ABCC4: variants seen among roughly 807,000 people sequenced by gnomAD.
ABCC4 encodes the protein ATP binding cassette subfamily C member 4 (PEL blood group).
Under a neutral mutation model 168.5 loss-of-function variants are expected in ABCC4, and 102 were observed. The observed-to-expected ratio is 0.61, with a 90% confidence interval of 0.52 to 0.71. The LOEUF is 0.71. ABCC4 is among the 30% of genes least tolerant of loss of function. ABCC4 has a pLI of 0.00. For synonymous variants in ABCC4, 617 were observed against 590.7 expected (o/e 1.04, Z -0.65); for missense variants, 1,402 against 1,605.8 (o/e 0.87, Z 2.17).
intron 1 of ABCC4, among the ~76,000 whole-genome samples, chr13:95,269,705 T>C (rs749148950): frequency 1.2e-4 from 18 of 152,140 alleles, no homozygotes; most frequent in Admixed American, 2.6e-4. Flanking sequence ...GGTTAAAAAA[T>C]GTAGTGAGAA....
intron 1 of ABCC4, among the ~76,000 whole-genome samples, chr13:95,262,241 A>G (rs2040551128): frequency 6.6e-6 from 1 of 152,228 alleles, no homozygotes; most frequent in Admixed American, 6.5e-5. Context: ...AAGAGGACTG[A>G]GCAAAGAAGT....
chr13:95,155,494 T>A (rs987784340), intron 19 of ABCC4, among the ~76,000 whole-genome samples: 6 of 152,146 alleles, frequency 3.9e-5, no homozygotes, highest in African/African-American at 1.4e-4. Flanking sequence ...AAAAGAAACA[T>A]GGGAAGAAGT....
At chr13:95,197,631 A>C (rs533207727) in intron 8 of ABCC4, among the ~76,000 whole-genome samples, 1 of 152,206 alleles carries the variant, frequency 6.6e-6, no homozygotes, top group Non-Finnish European at 1.5e-5. Context: ...GCATCCCCAG[A>C]AAGTTCACTT....
Position 95,115,964 on chromosome 13 carries a change from G to A in ABCC4, c.2493C>T (p.His831=), listed in dbSNP as rs773677219. ...ACGTCAGCGGCAGCAAATCATCCAAGTGTCCAATGTCTTTGGAGAAACGAT... is the reference window on the plus strand; with the variant it reads ...ACGTCAGCGGCAGCAAATCATCCAAATGTCCAATGTCTTTGGAGAAACGAT... ...ILNRFSKDIG[H]LDDLLPLTFL... The change falls in exon 20 of 31, where the codon CAC becomes CAT. Residue 831 remains histidine (H), a synonymous_variant. Transcript: ENST00000645237. 1.9e-6 allele frequency: 3 copies of A among 1,613,418 alleles called. No individual in the cohort carries two copies. Among genetic ancestry groups the A allele is most frequent in the Non-Finnish European group, 2.5e-6 (3 of 1,179,852 alleles).
intron 19 of ABCC4, among the ~76,000 whole-genome samples, chr13:95,159,047 C>A (rs2036977785): frequency 6.9e-6 from 1 of 144,248 alleles, no homozygotes; most frequent in Non-Finnish European, 1.5e-5. Context: ...CACATCACTG[C>A]ACTCCAGTCT....
chr13:95,075,783 A>C (rs1416334827), intron 21 of ABCC4: 3 of 427,074 alleles, frequency 7.0e-6, no homozygotes, highest in Non-Finnish European at 1.2e-5. Flanking sequence ...TAAACGTCCT[A>C]TTTTTGACCA....
intron 30 of ABCC4, among the ~76,000 whole-genome samples, chr13:95,025,562 A>C (rs980619226): frequency 1.4e-5 from 2 of 146,658 alleles, no homozygotes; most frequent in Non-Finnish European, 3.0e-5. Context: ...CATTAAGCAC[A>C]GAAAATTCCC....
intron 19 of ABCC4, among the ~76,000 whole-genome samples, chr13:95,143,330 T>A (rs1264202741): frequency 6.6e-6 from 1 of 152,190 alleles, no homozygotes; most frequent in African/African-American, 2.4e-5. Flanking sequence ...TATTCTGTCA[T>A]TCAAAGTCTA....
intron 1 of ABCC4, among the ~76,000 whole-genome samples, chr13:95,268,899 C>T (rs908782248): frequency 6.6e-6 from 1 of 152,132 alleles, no homozygotes; most frequent in Non-Finnish European, 1.5e-5. Context: ...CCTGGGCCCA[C>T]TTTTCTTTCT....
At chr13:95,164,611 C>T in intron 15 of ABCC4, 93 bp from the exon 16 acceptor site, 1 of 1,388,226 alleles carries the variant, frequency 7.2e-7, no homozygotes, top group South Asian at 1.4e-5. Flanking sequence ...TGTGGGGAAA[C>T]AGGCAGAAGT....
At chr13:95,204,922 G>A (rs2038737228) in intron 8 of ABCC4, among the ~76,000 whole-genome samples, 1 of 152,136 alleles carries the variant, frequency 6.6e-6, no homozygotes, top group Non-Finnish European at 1.5e-5. Context: ...TCACGGTGAG[G>A]GGCAGCAACA....
chr13:95,119,739 A>G (rs2035498788), intron 19 of ABCC4, among the ~76,000 whole-genome samples: 1 of 152,188 alleles, frequency 6.6e-6, no homozygotes, highest in African/African-American at 2.4e-5. Context: ...TCTTTTTTGT[A>G]ACAAAAAAGT....
intron 29 of ABCC4, among the ~76,000 whole-genome samples, chr13:95,038,001 C>T (rs1283563679): frequency 6.6e-6 from 1 of 152,054 alleles, no homozygotes; most frequent in Non-Finnish European, 1.5e-5. Context: ...ACTACAGGTG[C>T]ACGCCGCCAA....
chr13:95,077,340 T>C (rs533430843), intron 21 of ABCC4, among the ~76,000 whole-genome samples: 1 of 152,230 alleles, frequency 6.6e-6, no homozygotes, highest in African/African-American at 2.4e-5. Context: ...TAACTTTTTA[T>C]TTATTTATTT....
intron 21 of ABCC4, among the ~76,000 whole-genome samples, chr13:95,081,864 G>A (rs1295837456): frequency 6.6e-6 from 1 of 152,084 alleles, no homozygotes; most frequent in African/African-American, 2.4e-5. Flanking sequence ...GTGAGGTGTG[G>A]TGGTGCACAC....
chr13:95,027,467 T>C (rs1045818890), intron 30 of ABCC4, among the ~76,000 whole-genome samples: 3 of 152,194 alleles, frequency 2.0e-5, no homozygotes, highest in Non-Finnish European at 2.9e-5. Context: ...ATGGACCAAA[T>C]TGATTCCACA....
chr13:95,208,046 C>G (rs966460024), intron 6 of ABCC4, 121 bp from the exon 7 acceptor site: 7 of 1,001,422 alleles, frequency 7.0e-6, no homozygotes, highest in Non-Finnish European at 1.0e-5. Context: ...TCCGACAACA[C>G]AGACAGGTCC....
At chr13:95,280,318 G>T (rs1280191262) in intron 1 of ABCC4, among the ~76,000 whole-genome samples, 1 of 151,120 alleles carries the variant, frequency 6.6e-6, no homozygotes, top group African/African-American at 2.4e-5. Context: ...TCAGGAGGCT[G>T]AGGTAGGAGG....
At chr13:95,248,396 A>G (rs1439676365) in intron 1 of ABCC4, among the ~76,000 whole-genome samples, 2 of 152,230 alleles carry the variant, frequency 1.3e-5, no homozygotes, top group African/African-American at 2.4e-5. Context: ...GGACATTTAC[A>G]TAATCCAAAA....
Sources: gnomAD v4.1 joint callset for allele counts (sites outside exome capture counted in the v4.1 genomes callset) on GRCh38, gnomAD v4.1.1 for gene constraint, MANE v1.5 for transcripts, NCBI Gene and HGNC (gene_info 2026-07-23, HGNC 2026-07-21) for gene names.